The following ITGB3 variants were observed in gnomAD, a reference collection of about 807,000 sequenced individuals.
The protein encoded by ITGB3 is integrin beta-3.
ITGB3 carries 48 observed loss-of-function variants against 85.8 expected under a neutral mutation model. That is an observed-to-expected ratio of 0.56 (90% CI 0.44 to 0.71). The LOEUF (loss-of-function observed/expected upper bound fraction) is 0.71, where lower values mean the gene tolerates loss of function less well. Ranked by LOEUF, ITGB3 falls within the 30% of genes least tolerant of loss-of-function variation. ITGB3 has a pLI of 0.00. For missense variants in ITGB3, 861 were observed against 1,019.1 expected, an observed-to-expected ratio of 0.84 and a Z score of 2.11; for synonymous variants, 363 against 395.6, an observed-to-expected ratio of 0.92 and a Z score of 0.98.
rs542144606 is a variant in ITGB3, at chr17:47,272,294, T to A, written c.80-2125T>A. On this transcript the variant is annotated intron_variant, in intron 1 of 14. Transcript: ENST00000559488. ...TAGTCTTGATCTCCTGACCTCGTGA[T>A]CCGCCGGTCTCGGCCTCCCAAAGTG... is the stretch of plus-strand genomic sequence containing the variant. Among the ~76,000 whole-genome samples the A allele has an allele frequency of 4.1e-4, 63 of 152,150 alleles. No homozygotes were observed. In the East Asian group the frequency reaches 5.2e-3, roughly 13 times the overall value.
At chr17:47,304,340 A>G (rs1397206575) in intron 13 of ITGB3, among the ~76,000 whole-genome samples, 1 of 152,194 alleles carries the variant, frequency 6.6e-6, no homozygotes, top group Non-Finnish European at 1.5e-5. Flanking sequence ...TCCCCAACTC[A>G]TGCTCTTGCA....
At chr17:47,267,953 A>G (rs1403223139) in intron 1 of ITGB3, among the ~76,000 whole-genome samples, 1 of 152,246 alleles carries the variant, frequency 6.6e-6, no homozygotes, top group Non-Finnish European at 1.5e-5. Context: ...TCACAGTTCA[A>G]CATGGCTTGG....
chr17:47,271,028 G>A (rs534094685), intron 1 of ITGB3, among the ~76,000 whole-genome samples: 1 of 152,326 alleles, frequency 6.6e-6, no homozygotes, highest in African/African-American at 2.4e-5. Flanking sequence ...TATTTACTGA[G>A]CATCTCCACT....
At chr17:47,290,761 G>A (rs777428676) in intron 8 of ITGB3, among the ~76,000 whole-genome samples, 193 bp from the exon 9 acceptor site, 2 of 152,116 alleles carry the variant, frequency 1.3e-5, no homozygotes, top group Non-Finnish European at 2.9e-5. Context: ...ATGGAAAGAG[G>A]GAGCAGGTTC....
At position 47,295,371 on chromosome 17, in the gene ITGB3, C is replaced by G. The variant is rs373116645; in HGVS notation, c.1690+2803C>G. Among the ~76,000 whole-genome samples the G allele has an allele frequency of 7.3e-4, 111 of 152,218 alleles. 1 individual carries two copies. In the South Asian group the frequency reaches 0.022, roughly 30 times the overall value. ...TCGTGTTCCCAATGACCTTAAGCAC[C>G]CGTTCCTCCCTCCCTTTTCTGGCTC... On this transcript the variant is annotated intron_variant, in intron 10 of 14. Coordinates refer to ENST00000559488, the MANE Select transcript of ITGB3 (RefSeq NM_000212.3).
At chr17:47,309,895 GA>G (rs11354112) in intron 14 of ITGB3, among the ~76,000 whole-genome samples, 66,827 of 112,958 alleles carry the variant, frequency 0.59, 17,930 homozygotes, top group African/African-American at 0.69. Context: ...GACCCTGTCT[GA>G]AAAAAAAAAA....
intron 1 of ITGB3, 25 bp from the exon 2 acceptor site, chr17:47,274,394 T>C: frequency 6.2e-7 from 1 of 1,608,002 alleles, no homozygotes; most frequent in Admixed American, 1.7e-5. Flanking sequence ...AATCTGGTGC[T>C]AATGCCTTTG....
At chr17:47,258,826 CTA>C (rs1210117191) in intron 1 of ITGB3, among the ~76,000 whole-genome samples, 1 of 152,190 alleles carries the variant, frequency 6.6e-6, no homozygotes, top group Non-Finnish European at 1.5e-5. Flanking sequence ...CCCTGCAGTT[CTA>C]TGTTTTACAA....
intron 13 of ITGB3, among the ~76,000 whole-genome samples, chr17:47,307,146 C>T (rs897139396): frequency 6.6e-6 from 1 of 151,960 alleles, no homozygotes; most frequent in Non-Finnish European, 1.5e-5. Flanking sequence ...CCCACCTCCT[C>T]CCCGTCTCCA....
chr17:47,260,206 G>A (rs2065004475), intron 1 of ITGB3, among the ~76,000 whole-genome samples: 2 of 152,154 alleles, frequency 1.3e-5, no homozygotes, highest in Admixed American at 1.3e-4. Context: ...CAGTTCTGCA[G>A]GCTTTTTCAT....
intron 1 of ITGB3, among the ~76,000 whole-genome samples, chr17:47,265,128 A>C (rs891718297): frequency 2.0e-5 from 3 of 152,246 alleles, no homozygotes; most frequent in African/African-American, 7.2e-5. Flanking sequence ...AAAAATGTAC[A>C]GCTAAAGTAA....
intron 6 of ITGB3, 138 bp downstream of exon 6, chr17:47,287,369 A>G (rs2065106723): frequency 3.5e-6 from 3 of 853,498 alleles, no homozygotes; most frequent in Non-Finnish European, 3.8e-6. Context: ...GCTTGCCCCT[A>G]TCCCTTACCA....
At chr17:47,256,194 G>T (rs117178969) in intron 1 of ITGB3, among the ~76,000 whole-genome samples, 1 of 151,982 alleles carries the variant, frequency 6.6e-6, no homozygotes, top group Non-Finnish European at 1.5e-5. Flanking sequence ...GGTCAGGCAC[G>T]GTGGCTCACG....
rs879692626 is a variant in ITGB3 at position 47,288,228 on chromosome 17, GAGAGAGAGAGAGAA to G, written c.939+1002_939+1015del. Among the ~76,000 whole-genome samples, 445 of 133,486 alleles carry G rather than the reference GAGAGAGAGAGAGAA, an allele frequency of 3.3e-3. 3 individuals are homozygous for G. The highest frequency in any genetic ancestry group is 0.01 in the African/African-American group (337 of 32,804). 87.6% of individuals were successfully genotyped at this position (133,486 alleles called of 152,430 possible). On this transcript the variant is annotated intron_variant, in intron 6 of 14. Coordinates refer to ENST00000559488, the MANE Select transcript of ITGB3 (RefSeq NM_000212.3). ...AGAAAGAGAGAGAGAGAGAGAGAGA[GAGAGAGAGAGAGAA>G]AGAGGGGAAAGAACATAAAAGGCAT...
At chr17:47,266,433 C>T (rs888942899) in intron 1 of ITGB3, among the ~76,000 whole-genome samples, 3 of 152,170 alleles carry the variant, frequency 2.0e-5, no homozygotes, top group Admixed American at 2.0e-4. Flanking sequence ...CCAATTCCCT[C>T]CCTTGTTTCC....
chr17:47,258,903 A>G (rs991125205), intron 1 of ITGB3, among the ~76,000 whole-genome samples: 9 of 152,230 alleles, frequency 5.9e-5, no homozygotes, highest in African/African-American at 2.2e-4. Flanking sequence ...ACTTAGCACA[A>G]TACATTTGGG....
intron 9 of ITGB3, 65 bp from the exon 10 acceptor site, chr17:47,292,074 T>C (rs2065128507): frequency 1.9e-6 from 3 of 1,564,280 alleles, no homozygotes; most frequent in African/African-American, 1.4e-5. Context: ...ACTTTTTTTT[T>C]CCTCCAGAGC....
chr17:47,274,584 C>T (rs1260413929), intron 2 of ITGB3, 80 bp downstream of exon 2: 8 of 1,222,314 alleles, frequency 6.5e-6, no homozygotes, highest in Non-Finnish European at 8.4e-6. Context: ...AAGTTATCAC[C>T]TCCCTCTTGA....
At chr17:47,294,502 T>G (rs1476861094) in intron 10 of ITGB3, among the ~76,000 whole-genome samples, 1 of 152,234 alleles carries the variant, frequency 6.6e-6, no homozygotes. Context: ...CCCCAGTTCC[T>G]GCCTCTCACC....
Sources: gnomAD v4.1 joint callset for allele counts (sites outside exome capture counted in the v4.1 genomes callset) on GRCh38, gnomAD v4.1.1 for gene constraint, MANE v1.5 for transcripts, NCBI Gene and HGNC (gene_info 2026-07-23, HGNC 2026-07-21) for gene names.